ALK: variants seen among roughly 807,000 people sequenced by gnomAD.
The protein encoded by ALK is ALK tyrosine kinase receptor.
ALK carries 74 observed loss-of-function variants against 163.1 expected under a neutral mutation model. The observed-to-expected ratio is 0.45, with a 90% CI of 0.38 to 0.55. ALK has a LOEUF of 0.55. Ranked by LOEUF, ALK falls within the 20% of genes least tolerant of loss-of-function variation. The pLI is 0.00. For synonymous variants in ALK, 960 were observed against 843.2 expected, an observed-to-expected ratio of 1.14 and a Z score of -2.40; for missense variants, 2,063 against 2,105.3, an observed-to-expected ratio of 0.98 and a Z score of 0.39.
chr2:29,386,220 C>G (rs1002388774), intron 4 of ALK, among the ~76,000 whole-genome samples: 2 of 152,178 alleles, frequency 1.3e-5, no homozygotes, highest in Admixed American at 1.3e-4. Flanking sequence ...GTCACTGAAG[C>G]TAATTCTTCA....
At chr2:29,305,949 T>C (rs1334824073) in intron 8 of ALK, among the ~76,000 whole-genome samples, 1 of 152,198 alleles carries the variant, frequency 6.6e-6, no homozygotes, top group Non-Finnish European at 1.5e-5. Context: ...ACTGCTGATC[T>C]GACAGGAGGC....
At chr2:29,586,747 C>T (rs1674900679) in intron 3 of ALK, among the ~76,000 whole-genome samples, 1 of 152,162 alleles carries the variant, frequency 6.6e-6, no homozygotes, top group African/African-American at 2.4e-5. Flanking sequence ...TGCTACCTAC[C>T]AAAATATATA....
chr2:29,364,995 C>T (rs1022323640), intron 5 of ALK, among the ~76,000 whole-genome samples: 1 of 152,120 alleles, frequency 6.6e-6, no homozygotes, highest in Admixed American at 6.5e-5. Context: ...AAACCCATCC[C>T]TATAAGGTTG....
intron 1 of ALK, among the ~76,000 whole-genome samples, chr2:29,872,980 C>A (rs4665485): frequency 0.21 from 31,894 of 152,148 alleles, 3,941 homozygotes; most frequent in East Asian, 0.47. Flanking sequence ...AAGAGACACA[C>A]AACATCTCTC....
intron 4 of ALK, among the ~76,000 whole-genome samples, chr2:29,467,988 C>T (rs920998052): frequency 2.6e-5 from 4 of 151,194 alleles, no homozygotes; most frequent in East Asian, 1.9e-4. Context: ...TGATAAGAAT[C>T]GATATATATA....
chr2:29,859,197 T>C (rs368184687), intron 1 of ALK, among the ~76,000 whole-genome samples: 25 of 152,282 alleles, frequency 1.6e-4, no homozygotes, highest in African/African-American at 4.8e-4. Context: ...GGAAGGGTTA[T>C]GTACTGGGGA....
In ALK at chr2:29,262,407, C is replaced by T. The variant is rs192194455; in HGVS notation, c.2042-11140G>A. On this transcript the variant is annotated intron_variant, in intron 11 of 28. Coordinates refer to ENST00000389048, the MANE Select transcript of ALK (RefSeq NM_004304.5). The stretch of plus-strand genomic sequence containing the variant: ...ATATGCTTGCATGTGCACCTGTGAG[C>T]GCCTGCCCATGTGTGCCTGTGTATA... Among the ~76,000 whole-genome samples the T allele has an allele frequency of 5.9e-5, 9 of 152,256 alleles. No individual in the cohort carries two copies. In the Middle Eastern group the frequency reaches 0.01, roughly 173 times the overall value.
chr2:29,309,142 C>T (rs191620537), intron 8 of ALK, among the ~76,000 whole-genome samples: 14 of 152,202 alleles, frequency 9.2e-5, no homozygotes, highest in African/African-American at 2.6e-4. Context: ...ACAGCCTTCA[C>T]GGACACCACT....
chr2:29,872,989 T>C lies in ALK; in HGVS notation c.667+47004A>G, dbSNP rs139749490. On this transcript the variant is annotated intron_variant, in intron 1 of 28. Transcript: ENST00000389048. ...TGGTTTAAGAGACACACAACATCTCTCCTCGGAAGAGTTCCAGGGAATTCC... is the reference window on the plus strand; with the variant it reads ...TGGTTTAAGAGACACACAACATCTCCCCTCGGAAGAGTTCCAGGGAATTCC... Among the ~76,000 whole-genome samples the C allele has an allele frequency of 4.4e-3, 670 of 152,318 alleles. 5 individuals carry two copies. The highest frequency in any genetic ancestry group is 0.016 in the African/African-American group (647 of 41,570).
At chr2:29,306,653 G>GTA (rs1491210379) in intron 8 of ALK, among the ~76,000 whole-genome samples, 1 of 64,862 alleles carries the variant, frequency 1.5e-5, no homozygotes, top group African/African-American at 4.4e-5. Context: ...ATTAACAGTC[G>GTA]TGTGTGTGTG....
Position 29,232,340 on chromosome 2 carries a change from A to C in ALK, c.2596T>G (p.Ser866Ala). ...GAATTGCCGTTTAGCCCTAGAACCG[A>C]GGAGTTATTCTCCAGTCTCTCTGGG... ...FHPERLENNS[S>A]VLGLNGNSGA... Residue 866 changes from serine (S) to alanine (A), a missense_variant, in exon 15 of 29, where the codon TCG becomes GCG. Ser to Ala is a moderately conservative substitution (Grantham distance 99). Coordinates refer to ENST00000389048, the MANE Select transcript of ALK (RefSeq NM_004304.5). 1 of 1,614,224 alleles carries C rather than the reference A, an allele frequency of 6.2e-7. No homozygotes were observed. The highest frequency in any genetic ancestry group is 8.5e-7 in the Non-Finnish European group (1 of 1,180,038).
At chr2:29,218,960 C>A (rs72852026) in intron 23 of ALK, among the ~76,000 whole-genome samples, 3,256 of 152,306 alleles carry the variant, frequency 0.021, 111 homozygotes, top group African/African-American at 0.07. Context: ...TTACAGCTTC[C>A]CAGAGGGGAC....
chr2:29,349,964 T>G (rs1447939035), intron 5 of ALK, among the ~76,000 whole-genome samples: 1 of 152,174 alleles, frequency 6.6e-6, no homozygotes, highest in African/African-American at 2.4e-5. Flanking sequence ...GAAACAGGAA[T>G]GTTACCCACT....
At chr2:29,247,079 A>G (rs746802697) in intron 12 of ALK, among the ~76,000 whole-genome samples, 1 of 152,188 alleles carries the variant, frequency 6.6e-6, no homozygotes, top group Non-Finnish European at 1.5e-5. Flanking sequence ...CTCTCCTGGC[A>G]GAAGCCATTC....
intron 23 of ALK, among the ~76,000 whole-genome samples, chr2:29,216,869 G>T (rs1405109807): frequency 1.3e-5 from 2 of 150,262 alleles, no homozygotes; most frequent in African/African-American, 2.5e-5. Flanking sequence ...TATGTGTGTG[G>T]TGTGTGCGTG....
intron 3 of ALK, among the ~76,000 whole-genome samples, chr2:29,655,936 G>T (rs961327992): frequency 2.0e-5 from 3 of 152,150 alleles, no homozygotes; most frequent in African/African-American, 7.2e-5. Context: ...GAGAAGAGCT[G>T]CTGTGCTACT....
intron 1 of ALK, among the ~76,000 whole-genome samples, chr2:29,852,139 C>T (rs1427115966): frequency 2.6e-5 from 4 of 152,320 alleles, no homozygotes; most frequent in South Asian, 2.1e-4. Context: ...CCCTATGTAG[C>T]GTTTATCCAA....
At chr2:29,460,755 A>G (rs1671066237) in intron 4 of ALK, among the ~76,000 whole-genome samples, 2 of 152,100 alleles carry the variant, frequency 1.3e-5, no homozygotes, top group African/African-American at 4.8e-5. Context: ...GACACATCAT[A>G]TTTAAATGAG....
intron 5 of ALK, among the ~76,000 whole-genome samples, chr2:29,336,202 C>A (rs1469514110): frequency 6.6e-6 from 1 of 152,194 alleles, no homozygotes; most frequent in African/African-American, 2.4e-5. Context: ...CTGTTGATCT[C>A]AAATCCTGCC....
Sources: gnomAD v4.1 joint callset for allele counts (sites outside exome capture counted in the v4.1 genomes callset) on GRCh38, gnomAD v4.1.1 for gene constraint, MANE v1.5 for transcripts, NCBI Gene and HGNC (gene_info 2026-07-23, HGNC 2026-07-21) for gene names.